The following ADAMTSL1 variants were observed in gnomAD, a reference collection of about 807,000 sequenced individuals.
The protein encoded by ADAMTSL1 is ADAMTS-like protein 1.
A neutral mutation model predicts 201.8 loss-of-function variants in ADAMTSL1; 126 were observed. That is an observed-to-expected ratio of 0.62 (90% CI 0.54 to 0.72). The LOEUF is 0.72. Among genes scored for constraint, ADAMTSL1 ranks in the 30% least tolerant of loss-of-function variants. The pLI is 0.00. For missense variants in ADAMTSL1, 2,679 were observed against 2,277.8 expected (o/e 1.18, Z -3.59); for synonymous variants, 1,121 against 903.4 (o/e 1.24, Z -4.32).
At position 18,312,251 on chromosome 9, in the gene ADAMTSL1, T is replaced by C. The variant is rs185409900; in HGVS notation, c.207+148270T>C. 1.3e-3 allele frequency among the ~76,000 whole-genome samples: 205 copies of C among 152,282 alleles called. 1 individual carries two copies. The highest frequency in any genetic ancestry group is 4.8e-3 in the African/African-American group (201 of 41,572). ...CTAGTTTATCATCTAGAGGGCAAGA[T>C]TGGTGGCAACTTCCTGTGGATAAAA... On this transcript the variant is annotated intron_variant, in intron 2 of 29. Transcript: ENST00000680146.
intron 2 of ADAMTSL1, among the ~76,000 whole-genome samples, chr9:18,171,007 A>C (rs542226303): frequency 7.9e-4 from 120 of 152,242 alleles, no homozygotes; most frequent in African/African-American, 1.9e-3. Context: ...AATGTTCATG[A>C]ATGGGAAGTC....
At chr9:18,195,403 A>T (rs1829135390) in intron 2 of ADAMTSL1, among the ~76,000 whole-genome samples, 1 of 152,076 alleles carries the variant, frequency 6.6e-6, no homozygotes, top group African/African-American at 2.4e-5. Context: ...TCCTCCTAAC[A>T]TCCTAAAAGA....
chr9:18,247,507 T>A (rs1831303592), intron 2 of ADAMTSL1, among the ~76,000 whole-genome samples: 1 of 152,218 alleles, frequency 6.6e-6, no homozygotes, highest in South Asian at 2.1e-4. Flanking sequence ...AATAAATACA[T>A]ATCAAATACT....
chr9:18,078,982 C>G (rs554753446), intron 1 of ADAMTSL1, among the ~76,000 whole-genome samples: 7 of 152,282 alleles, frequency 4.6e-5, no homozygotes, highest in Non-Finnish European at 8.8e-5. Flanking sequence ...ATCAGCCTGT[C>G]TATCTCAAGG....
chr9:18,652,814 G>C (rs183716427), intron 7 of ADAMTSL1, among the ~76,000 whole-genome samples: 1 of 152,106 alleles, frequency 6.6e-6, no homozygotes, highest in Non-Finnish European at 1.5e-5. Context: ...TCCTTTATCC[G>C]CTGGAGGCTG....
At chr9:18,182,238 T>G (rs1828524709) in intron 2 of ADAMTSL1, among the ~76,000 whole-genome samples, 1 of 150,988 alleles carries the variant, frequency 6.6e-6, no homozygotes, top group Non-Finnish European at 1.5e-5. Context: ...TGTATACATA[T>G]GTAACAAACA....
intron 5 of ADAMTSL1, among the ~76,000 whole-genome samples, chr9:18,626,041 A>G (rs1388210957): frequency 6.6e-6 from 1 of 152,242 alleles, no homozygotes; most frequent in African/African-American, 2.4e-5. Flanking sequence ...TACAAAATAC[A>G]TATGGATTTT....
chr9:18,483,115 G>A (rs1275723722), intron 1 of ADAMTSL1, among the ~76,000 whole-genome samples: 1 of 152,176 alleles, frequency 6.6e-6, no homozygotes, highest in Admixed American at 6.5e-5. Context: ...TCTCTTTGAA[G>A]GCAGGGGTTT....
chr9:18,537,535 G>T (rs1819846676), intron 3 of ADAMTSL1, among the ~76,000 whole-genome samples: 1 of 152,116 alleles, frequency 6.6e-6, no homozygotes, highest in Admixed American at 6.6e-5. Context: ...GATCATGCAG[G>T]ACACTGTAAA....
intron 1 of ADAMTSL1, among the ~76,000 whole-genome samples, chr9:17,982,639 A>G (rs1222408607): frequency 2.6e-5 from 4 of 152,044 alleles, no homozygotes; most frequent in African/African-American, 9.7e-5. Context: ...TAAATAAATA[A>G]AAATAAAACC....
chr9:18,768,745 A>G (rs928679234), intron 16 of ADAMTSL1, among the ~76,000 whole-genome samples: 4 of 152,152 alleles, frequency 2.6e-5, no homozygotes, highest in African/African-American at 9.7e-5. Context: ...TGTGACCTCA[A>G]GCCATTCACA....
At chr9:17,974,981 A>C (rs11788983) in intron 1 of ADAMTSL1, among the ~76,000 whole-genome samples, 41,142 of 151,900 alleles carry the variant, frequency 0.27, 5,887 homozygotes, top group Middle Eastern at 0.33. Context: ...ACATTCCTAC[A>C]AACACTGCAC....
chr9:18,480,328 T>C (rs1409384517), intron 1 of ADAMTSL1, among the ~76,000 whole-genome samples: 2 of 152,074 alleles, frequency 1.3e-5, no homozygotes, highest in Non-Finnish European at 2.9e-5. Context: ...ATGGCACTTG[T>C]AGGCCTGATC....
intron 2 of ADAMTSL1, among the ~76,000 whole-genome samples, chr9:18,340,276 C>T (rs1835416673): frequency 6.6e-6 from 1 of 152,168 alleles, no homozygotes; most frequent in African/African-American, 2.4e-5. Flanking sequence ...GCTTACTCTT[C>T]TCACTGTATA....
intron 2 of ADAMTSL1, among the ~76,000 whole-genome samples, chr9:18,315,524 G>A (rs1005273955): frequency 1.6e-4 from 24 of 152,272 alleles, no homozygotes; most frequent in African/African-American, 2.9e-4. Flanking sequence ...GAATTAGAGC[G>A]TGGCATGGGT....
chr9:18,633,632 T>G (rs1412363846), intron 5 of ADAMTSL1, among the ~76,000 whole-genome samples: 1 of 137,858 alleles, frequency 7.3e-6, no homozygotes, highest in African/African-American at 2.9e-5. Context: ...GTAGGCCTAA[T>G]CTTAACTTTT....
At chr9:17,919,214 G>A (rs1563894856) in intron 1 of ADAMTSL1, among the ~76,000 whole-genome samples, 1 of 151,200 alleles carries the variant, frequency 6.6e-6, no homozygotes, top group African/African-American at 2.4e-5. Flanking sequence ...TGGCAATAGT[G>A]AGCCAAGTAG....
chr9:18,088,734 A>C (rs1823874265), intron 1 of ADAMTSL1, among the ~76,000 whole-genome samples: 1 of 152,206 alleles, frequency 6.6e-6, no homozygotes. Context: ...AATGAAAGAC[A>C]ACAATGTTGG....
At chr9:18,715,916 C>G (rs1321974212) in intron 14 of ADAMTSL1, among the ~76,000 whole-genome samples, 1 of 151,572 alleles carries the variant, frequency 6.6e-6, no homozygotes, top group Non-Finnish European at 1.5e-5. Context: ...AGAACAGAGC[C>G]CTCAGAAATA....
Sources: gnomAD v4.1 joint callset for allele counts (sites outside exome capture counted in the v4.1 genomes callset) on GRCh38, gnomAD v4.1.1 for gene constraint, MANE v1.5 for transcripts, NCBI Gene and HGNC (gene_info 2026-07-23, HGNC 2026-07-21) for gene names.